RANBP2: variants seen among roughly 807,000 people sequenced by gnomAD.
RANBP2 encodes the protein RAN binding protein 2, also known as E3 SUMO-protein ligase RanBP2.
RANBP2 carries 57 observed loss-of-function variants against 303.6 expected under a neutral mutation model. That is an observed-to-expected ratio of 0.19 (90% CI 0.15 to 0.23). The LOEUF (loss-of-function observed/expected upper bound fraction) is 0.23, where lower values mean the gene tolerates loss of function less well. Among genes scored for constraint, RANBP2 ranks in the 10% least tolerant of loss-of-function variants. RANBP2 has a pLI of 1.00. For missense variants in RANBP2, 3,138 were observed against 3,780.8 expected (o/e 0.83, Z 4.46); for synonymous variants, 1,167 against 1,301.5 (o/e 0.90, Z 2.23).
chr2:109,559,485 A>C, the RANBP2 span, among the ~76,000 whole-genome samples: 1 of 152,160 alleles, frequency 6.6e-6, no homozygotes, highest in Non-Finnish European at 1.5e-5. Flanking sequence ...CTCCCTTTCT[A>C]ATTTCCCCTT....
At chr2:109,584,790 AT>A in the RANBP2 span, among the ~76,000 whole-genome samples, 3 of 151,910 alleles carry the variant, frequency 2.0e-5, no homozygotes, top group Non-Finnish European at 4.4e-5. Flanking sequence ...TATGTCTTGT[AT>A]TTTTTTTCTT....
At chr2:109,056,890 A>C in the RANBP2 span, among the ~76,000 whole-genome samples, 1 of 152,230 alleles carries the variant, frequency 6.6e-6, no homozygotes, top group Non-Finnish European at 1.5e-5. Flanking sequence ...GCTCACAGTC[A>C]AGCTGTAACA....
the RANBP2 span, among the ~76,000 whole-genome samples, chr2:109,034,446 G>A: frequency 6.6e-6 from 1 of 152,182 alleles, no homozygotes; most frequent in Non-Finnish European, 1.5e-5. Flanking sequence ...GCACAGGGAA[G>A]TGAGGAACGT....
chr2:109,320,443 C>T, the RANBP2 span, among the ~76,000 whole-genome samples: 11 of 152,184 alleles, frequency 7.2e-5, no homozygotes, highest in Admixed American at 5.9e-4. Context: ...GGCGCCCATC[C>T]TCGGCAGTGA....
At chr2:109,600,312 C>T in the RANBP2 span, among the ~76,000 whole-genome samples, 6 of 152,074 alleles carry the variant, frequency 3.9e-5, no homozygotes, top group African/African-American at 1.4e-4. Context: ...GCAATACTAC[C>T]CCTGCCCCTC....
the RANBP2 span, among the ~76,000 whole-genome samples, chr2:109,395,155 C>A: frequency 6.6e-6 from 1 of 152,258 alleles, no homozygotes; most frequent in African/African-American, 2.4e-5. Context: ...ACTCCGCAGG[C>A]AGGCCAGTGC....
chr2:109,495,634 G>C, the RANBP2 span, among the ~76,000 whole-genome samples: 1 of 151,532 alleles, frequency 6.6e-6, no homozygotes, highest in Non-Finnish European at 1.5e-5. Flanking sequence ...ATTGATTACA[G>C]GCGTCCACTG....
At chr2:109,492,868 G>T in the RANBP2 span, among the ~76,000 whole-genome samples, 1 of 152,028 alleles carries the variant, frequency 6.6e-6, no homozygotes, top group Non-Finnish European at 1.5e-5. Flanking sequence ...CACCATTGTT[G>T]GGTCCTGCAG....
the RANBP2 span, among the ~76,000 whole-genome samples, chr2:109,415,375 G>A: frequency 2.6e-5 from 4 of 152,210 alleles, no homozygotes; most frequent in South Asian, 4.1e-4. Context: ...GCAGGCTTGC[G>A]AAGGTTGAAA....
the RANBP2 span, among the ~76,000 whole-genome samples, chr2:109,740,567 G>A: frequency 6.6e-6 from 1 of 151,960 alleles, no homozygotes; most frequent in Admixed American, 6.6e-5. Flanking sequence ...CCACATTCTG[G>A]GCCATAAAAC....
the RANBP2 span, among the ~76,000 whole-genome samples, chr2:108,894,170 G>A: frequency 6.6e-6 from 1 of 150,690 alleles, no homozygotes; most frequent in African/African-American, 2.4e-5. Flanking sequence ...TGAATTTTAA[G>A]ACAAGACAGT....
chr2:109,331,943 C>T, the RANBP2 span, among the ~76,000 whole-genome samples: 2 of 152,176 alleles, frequency 1.3e-5, no homozygotes, highest in Non-Finnish European at 2.9e-5. Context: ...AGCACCTGGC[C>T]GATCCTCCGA....
chr2:109,406,942 C>T, the RANBP2 span, among the ~76,000 whole-genome samples: 8 of 152,238 alleles, frequency 5.3e-5, no homozygotes, highest in African/African-American at 1.9e-4. Flanking sequence ...CACTTCCCTG[C>T]AACTCAGCAA....
chr2:109,398,707 C>G, the RANBP2 span: 1 of 1,612,580 alleles, frequency 6.2e-7, no homozygotes, highest in African/African-American at 1.3e-5. Flanking sequence ...GGCCCCAAGT[C>G]CCACTTTAAG....
rs767260037 is a variant in RANBP2, at chr2:108,753,122, A to G, written c.1880A>G (p.Asp627Gly). ...KKKNSIPEPIDPLFKHFHSVD... is the reference protein window; with the variant it reads ...KKKNSIPEPIGPLFKHFHSVD... ...AAGAACAGTATTCCTGAACCTATTGATCCTCTGTTTAAACATTTTCATAGT... is the reference window on the plus strand; with the variant it reads ...AAGAACAGTATTCCTGAACCTATTGGTCCTCTGTTTAAACATTTTCATAGT... The change falls in exon 13 of 29, where the codon GAT becomes GGT. Residue 627 changes from aspartate to glycine, a missense_variant. By Grantham distance (94) the Asp-to-Gly change is moderately conservative (BLOSUM62 -1). This residue lies in a region of RANBP2 where 162 missense variants were observed against 286.9 expected (regional missense o/e 0.56). Transcript: ENST00000283195. The G allele has an allele frequency of 4.3e-6, 7 of 1,609,400 alleles. No homozygotes were observed. The South Asian group carries it at 7.8e-5, about 18-fold the overall frequency.
At chr2:108,721,270 G>T (rs1347204933) in intron 1 of RANBP2, among the ~76,000 whole-genome samples, 2 of 152,180 alleles carry the variant, frequency 1.3e-5, no homozygotes, top group Non-Finnish European at 1.5e-5. Context: ...TTTCTCTTGG[G>T]AACAGTGGAG....
At chr2:109,246,964 G>A in the RANBP2 span, among the ~76,000 whole-genome samples, 1 of 152,236 alleles carries the variant, frequency 6.6e-6, no homozygotes, top group Non-Finnish European at 1.5e-5. Context: ...CAGAGCATGA[G>A]GAGGACTCAT....
intron 7 of RANBP2, among the ~76,000 whole-genome samples, chr2:108,742,163 AT>A (rs538591922): frequency 7.6e-4 from 115 of 151,112 alleles, no homozygotes; most frequent in Admixed American, 1.8e-3. Flanking sequence ...CGCCCGTCTA[AT>A]TTTGTATTTT....
chr2:109,421,465 A>G, the RANBP2 span, among the ~76,000 whole-genome samples: 1 of 152,218 alleles, frequency 6.6e-6, no homozygotes, highest in Non-Finnish European at 1.5e-5. Context: ...CCAAAACGTA[A>G]CAGTTCCAGG....
Sources: gnomAD v4.1 joint callset for allele counts (sites outside exome capture counted in the v4.1 genomes callset) on GRCh38, gnomAD v4.1.1 for gene constraint, gnomAD v4.1.1 regional missense constraint, MANE v1.5 for transcripts, NCBI Gene and HGNC (gene_info 2026-07-23, HGNC 2026-07-21) for gene names.